The following FBXO45 variants were observed in gnomAD, a reference collection of about 807,000 sequenced individuals.
FBXO45 encodes the protein F-box/SPRY domain-containing protein 1.
Under a neutral mutation model 25.5 loss-of-function variants are expected in FBXO45, and 3 were observed. The observed-to-expected ratio is 0.12, with a 90% confidence interval of 0.05 to 0.30. The LOEUF is 0.30. Ranked by LOEUF, FBXO45 falls within the 10% of genes least tolerant of loss-of-function variation. The pLI is 1.00. For synonymous variants in FBXO45, 155 were observed against 149.8 expected (o/e 1.03, Z -0.25); for missense variants, 219 against 365.0 (o/e 0.60, Z 3.26).
rs1394839764 is a variant in FBXO45, at chr3:196,569,639, A to G, written c.318+337A>G. ...CATCCTACTTTTCTCCCCGGCCTCC[A>G]GATAGACTTCATTATATTAAATAAT... On this transcript the variant is annotated intron_variant, in intron 1 of 2. Coordinates refer to ENST00000311630, the MANE Select transcript of FBXO45 (RefSeq NM_001105573.2). The surrounding 1 kb of genome is among the most constrained non-coding windows in gnomAD (Gnocchi z 4.1). Among the ~76,000 whole-genome samples, 7 of 152,214 alleles carry G rather than the reference A, an allele frequency of 4.6e-5. No individual in the cohort carries two copies. The highest frequency in any genetic ancestry group is 1.0e-4 in the Non-Finnish European group (7 of 68,038).
chr3:196,576,495 C>CT (rs1363881790), intron 1 of FBXO45, among the ~76,000 whole-genome samples: 1 of 152,164 alleles, frequency 6.6e-6, no homozygotes, highest in Non-Finnish European at 1.5e-5. Flanking sequence ...CTGCAGTGCG[C>CT]TACGATTGTG....
chr3:196,578,381 A>G (rs926781486), intron 2 of FBXO45, among the ~76,000 whole-genome samples: 1 of 152,158 alleles, frequency 6.6e-6, no homozygotes, highest in Non-Finnish European at 1.5e-5. Flanking sequence ...TAAATGATCT[A>G]TCTCAATATT....
chr3:196,580,262 A>G (rs1735986071), intron 2 of FBXO45, among the ~76,000 whole-genome samples: 1 of 150,752 alleles, frequency 6.6e-6, no homozygotes, highest in African/African-American at 2.4e-5. Context: ...CTGGAGTGCA[A>G]TGGCATGATC....
At chr3:196,575,889 G>A (rs1348469295) in intron 1 of FBXO45, among the ~76,000 whole-genome samples, 2 of 152,076 alleles carry the variant, frequency 1.3e-5, no homozygotes, top group Admixed American at 1.3e-4. Flanking sequence ...TGTTGCCCAG[G>A]CTAGTCTTGA....
chr3:196,583,634 A>T (rs1001798619), intron 2 of FBXO45, among the ~76,000 whole-genome samples: 1 of 152,214 alleles, frequency 6.6e-6, no homozygotes, highest in Non-Finnish European at 1.5e-5. Flanking sequence ...AAAACCTTTA[A>T]ACAAAGAGTA....
intron 2 of FBXO45, among the ~76,000 whole-genome samples, chr3:196,582,374 A>G (rs748302985): frequency 4.6e-4 from 70 of 152,272 alleles, no homozygotes; most frequent in Non-Finnish European, 6.2e-4. Flanking sequence ...GGTGGTGATG[A>G]TGATTTGGAG....
Position 196,584,243 on chromosome 3 carries a change from ATAC to A in FBXO45, c.787_789del (p.Tyr263del). 1 of 1,611,590 alleles carries A rather than the reference ATAC, an allele frequency of 6.2e-7. No individual in the cohort carries two copies. The highest frequency in any genetic ancestry group is 1.1e-5 in the South Asian group (1 of 91,022). ...TTAGAGGACTTCCAAAGGTCTGCTT[ATAC>A]CCAGCAGTTTCTGCTGTATATGGCA... On this transcript the variant is annotated inframe_deletion, in exon 3 of 3. Transcript: ENST00000311630. This position sits in a 1 kb window ranked among gnomAD's most constrained non-coding sequence, Gnocchi z 4.3.
rs1292901202 is a variant in FBXO45, at chr3:196,587,679, AC to A, written c.*3364del. The A allele has an allele frequency of 6.6e-6, 1 of 151,900 alleles. No homozygotes were observed. Among genetic ancestry groups the A allele is most frequent in the African/African-American group, 2.4e-5 (1 of 41,350 alleles). The allele number at this position is 151,900 out of a possible 1,614,324, so 9.4% of individuals were successfully genotyped here. On this transcript the variant is annotated 3_prime_UTR_variant, in exon 3 of 3. Coordinates refer to ENST00000311630, the MANE Select transcript of FBXO45 (RefSeq NM_001105573.2). ...TGGGATTACAGGTGTATGCCACTAT[AC>A]CCAGCTTTAACTTTTAAATCCCCAA...
rs1386391758 is a variant in FBXO45 at position 196,586,377 on chromosome 3, T to TA, written c.*2060dup. 4 of 152,202 alleles carry TA rather than the reference T, an allele frequency of 2.6e-5. No individual in the cohort carries two copies. The highest frequency in any genetic ancestry group is 9.7e-5 in the African/African-American group (4 of 41,436). 9.4% of individuals were successfully genotyped at this position (152,202 alleles called of 1,614,324 possible). A position where few individuals can be genotyped will look rare whatever the true frequency, so the allele number is the denominator to read the frequency against. On this transcript the variant is annotated 3_prime_UTR_variant, in exon 3 of 3. Transcript: ENST00000311630. ...TGAGTGGAAAACCGAAACACATGGT[T>TA]ATTGCGTATTGGACCTAGAATGAAA...
In FBXO45 at chr3:196,587,886, T is replaced by G. The variant is rs1232426993; in HGVS notation, c.*3568T>G. ...TTTGCCACCCAGGTTCAAGCAATTC[T>G]CGTGCCTCAGCCTCCCGAGTAGCAT... On this transcript the variant is annotated 3_prime_UTR_variant, in exon 3 of 3. Transcript: ENST00000311630. 1 of 152,236 alleles carries G rather than the reference T, an allele frequency of 6.6e-6. No homozygotes were observed. Among genetic ancestry groups the G allele is most frequent in the Non-Finnish European group, 1.5e-5 (1 of 68,090 alleles). 9.4% of individuals were successfully genotyped at this position (152,236 alleles called of 1,614,324 possible). A position where few individuals can be genotyped will look rare whatever the true frequency, so the allele number is the denominator to read the frequency against.
chr3:196,581,874 A>G (rs1169730352), intron 2 of FBXO45, among the ~76,000 whole-genome samples: 13 of 152,230 alleles, frequency 8.5e-5, no homozygotes, highest in Non-Finnish European at 1.9e-4. Context: ...TAACTTGCCT[A>G]TACTCAAACT....
In FBXO45 at chr3:196,588,515, A is replaced by G. The variant is rs888190631; in HGVS notation, c.*4197A>G. The G allele has an allele frequency of 2.0e-5, 3 of 152,250 alleles. No individual in the cohort carries two copies. Among genetic ancestry groups the G allele is most frequent in the Non-Finnish European group, 4.4e-5 (3 of 68,048 alleles). The allele number at this position is 152,250 out of a possible 1,614,324, so 9.4% of individuals were successfully genotyped here. ...ACACCCAGCCCAAATGCTGTCCTCA[A>G]AAACATTCCTCAGTTTCTCTAGCTG... is the stretch of plus-strand genomic sequence containing the variant. On this transcript the variant is annotated 3_prime_UTR_variant, in exon 3 of 3. Transcript: ENST00000311630. This position sits in a 1 kb window ranked among gnomAD's most constrained non-coding sequence, Gnocchi z 4.2.
intron 1 of FBXO45, among the ~76,000 whole-genome samples, chr3:196,577,217 G>A (rs1735930790): frequency 6.6e-6 from 1 of 152,068 alleles, no homozygotes; most frequent in South Asian, 2.1e-4. Context: ...TCTGTTTGAG[G>A]AAATACTACA....
chr3:196,572,532 A>G (rs1025463016), intron 1 of FBXO45, among the ~76,000 whole-genome samples: 1 of 152,276 alleles, frequency 6.6e-6, no homozygotes, highest in African/African-American at 2.4e-5. Flanking sequence ...AGTGTGAGGG[A>G]TGGAAAATAT....
chr3:196,572,993 C>T (rs1341109146), intron 1 of FBXO45, among the ~76,000 whole-genome samples: 2 of 152,060 alleles, frequency 1.3e-5, no homozygotes, highest in East Asian at 3.9e-4. Flanking sequence ...ATGATCATAG[C>T]TCACTGCAGC....
At chr3:196,573,876 G>A (rs1735869938) in intron 1 of FBXO45, among the ~76,000 whole-genome samples, 1 of 151,250 alleles carries the variant, frequency 6.6e-6, no homozygotes, top group Admixed American at 6.6e-5. Context: ...CAAAATTCAG[G>A]TTGTGCATGG....
chr3:196,580,414 G>T (rs967311586), intron 2 of FBXO45, among the ~76,000 whole-genome samples: 2 of 152,022 alleles, frequency 1.3e-5, no homozygotes, highest in Admixed American at 6.6e-5. Context: ...GTTTCACCAC[G>T]TTGGCCAGGC....
At position 196,568,690 on chromosome 3, in the gene FBXO45, C is replaced by G. The variant is rs1735690364; in HGVS notation, c.-295C>G. ...TGCTTCGTGCCCTCAACCCGCATGG[C>G]GGAGCCGCTGGCGCGCCGCGGAGAG... On this transcript the variant is annotated 5_prime_UTR_variant, in exon 1 of 3. Transcript: ENST00000311630. 1 of 152,426 alleles carries G rather than the reference C, an allele frequency of 6.6e-6. No individual in the cohort carries two copies. The highest frequency in any genetic ancestry group is 1.5e-5 in the Non-Finnish European group (1 of 68,230). The allele number at this position is 152,426 out of a possible 1,614,324, so 9.4% of individuals were successfully genotyped here.
rs79085393 is a variant in FBXO45 at position 196,569,311 on chromosome 3, G to C, written c.318+9G>C. 7.5e-3 allele frequency: 11,456 copies of C among 1,524,688 alleles called. 416 individuals carry two copies. In the Admixed American group the frequency reaches 0.076, roughly 10 times the overall value. The allele number at this position is 1,524,688 out of a possible 1,614,324, so 94.4% of individuals were successfully genotyped here. On this transcript the variant is annotated intron_variant, in intron 1 of 2. Coordinates refer to ENST00000311630, the MANE Select transcript of FBXO45 (RefSeq NM_001105573.2). The surrounding 1 kb of genome is among the most constrained non-coding windows in gnomAD (Gnocchi z 4.1). The stretch of plus-strand genomic sequence containing the variant: ...CCAGCTACAAGGCCAAGGTGAGAGA[G>C]CCCCGGGCCACACCGCTGCCCCCAG...
Sources: allele counts gnomAD v4.1 joint callset (sites outside exome capture counted in the v4.1 genomes callset), GRCh38; gene constraint gnomAD v4.1.1; non-coding constraint Gnocchi (gnomAD v3.1); transcripts MANE v1.5; gene names NCBI Gene and HGNC (gene_info 2026-07-23, HGNC 2026-07-21).